Variants in AGAP1 observed in about 807,000 individuals in gnomAD.
AGAP1 encodes ArfGAP with GTPase domain, ankyrin repeat and PH domain 1.
A neutral mutation model predicts 105.3 loss-of-function variants in AGAP1; 29 were observed. The ratio of observed to expected loss-of-function variants is 0.28; its 90% confidence interval spans 0.21 to 0.38. The LOEUF is 0.38. AGAP1 is among the 10% of genes least tolerant of loss of function. AGAP1 has a pLI of 1.00. For missense variants in AGAP1, 998 were observed against 1,165.1 expected (o/e 0.86, Z 2.09); for synonymous variants, 509 against 485.9 (o/e 1.05, Z -0.63).
At position 235,787,230 on chromosome 2, in the gene AGAP1, G is replaced by T. The variant is rs1956699783; in HGVS notation, c.674-10529G>T. On this transcript the variant is annotated intron_variant, in intron 6 of 17. Transcript: ENST00000304032. This position sits in a 1 kb window ranked among gnomAD's most constrained non-coding sequence, Gnocchi z 4.4. Reference sequence around the variant, plus strand: ...TTGGCTGCTGCTTCCAAACCATGTGGGTTTCCTATGTCATGAAAGCTTTTC... The same window carrying T: ...TTGGCTGCTGCTTCCAAACCATGTGTGTTTCCTATGTCATGAAAGCTTTTC... Among the ~76,000 whole-genome samples the T allele has an allele frequency of 6.6e-6, 1 of 152,212 alleles. No homozygotes were observed.
chr2:235,951,776 A>G lies in AGAP1; in HGVS notation c.1484-16686A>G, dbSNP rs1213264611. 6.6e-6 allele frequency among the ~76,000 whole-genome samples: 1 copy of G among 152,176 alleles called. No homozygotes were observed. Among genetic ancestry groups the G allele is most frequent in the African/African-American group, 2.4e-5 (1 of 41,446 alleles). On this transcript the variant is annotated intron_variant, in intron 12 of 17. Transcript: ENST00000304032. The surrounding 1 kb of genome is among the most constrained non-coding windows in gnomAD (Gnocchi z 4.2). ...CCTTGGGCTGCAGATGAGTTACACC[A>G]CACCAGTCTCCCAGTCCCATCACAC...
At chr2:235,542,276 G>GA (rs1332797853) in intron 1 of AGAP1, among the ~76,000 whole-genome samples, 7 of 152,260 alleles carry the variant, frequency 4.6e-5, no homozygotes, top group Middle Eastern at 3.4e-3. Context: ...AGTGAGCAGA[G>GA]ACCCATCCTG....
intron 6 of AGAP1, among the ~76,000 whole-genome samples, chr2:235,779,735 G>A (rs982608257): frequency 6.6e-6 from 1 of 152,208 alleles, no homozygotes; most frequent in East Asian, 1.9e-4. Context: ...ACCAGTTAAT[G>A]TGCTACATCC....
intron 1 of AGAP1, among the ~76,000 whole-genome samples, chr2:235,568,809 C>T (rs1320752169): frequency 1.3e-5 from 2 of 152,186 alleles, no homozygotes; most frequent in African/African-American, 4.8e-5. Flanking sequence ...CACCTGCAGT[C>T]CTTGGCTTGT....
chr2:235,512,045 ATG>A (rs1016641090), intron 1 of AGAP1, among the ~76,000 whole-genome samples: 8 of 141,728 alleles, frequency 5.6e-5, no homozygotes, highest in Admixed American at 2.1e-4. Flanking sequence ...GTGTGAATGG[ATG>A]TGTGTGTGAA....
chr2:235,534,602 G>A (rs1943149659), intron 1 of AGAP1, among the ~76,000 whole-genome samples: 1 of 152,130 alleles, frequency 6.6e-6, no homozygotes, highest in Non-Finnish European at 1.5e-5. Context: ...TTAGCGGTTT[G>A]TTTATATACA....
intron 12 of AGAP1, among the ~76,000 whole-genome samples, chr2:235,966,030 A>G (rs1401630961): frequency 1.4e-4 from 12 of 87,786 alleles, no homozygotes; most frequent in East Asian, 3.4e-4. Context: ...AGGAGAGGGG[A>G]GCCTTTTCCT....
In AGAP1 at chr2:235,639,002, C is replaced by CA. The variant is rs1393307349; in HGVS notation, c.164-70176dup. ...TCAAATGTCCACTGGGGGGCAGAAT[C>CA]ACCTGCTGAGACCCACTGGTTAAAA... On this transcript the variant is annotated intron_variant, in intron 1 of 17. Transcript: ENST00000304032. The surrounding 1 kb of genome is among the most constrained non-coding windows in gnomAD (Gnocchi z 5.3). Among the ~76,000 whole-genome samples the CA allele has an allele frequency of 6.6e-6, 1 of 152,114 alleles. No homozygotes were observed. The highest frequency in any genetic ancestry group is 2.4e-5 in the African/African-American group (1 of 41,408).
chr2:235,805,522 A>G (rs999674010), intron 8 of AGAP1, among the ~76,000 whole-genome samples: 5 of 152,164 alleles, frequency 3.3e-5, no homozygotes, highest in African/African-American at 1.2e-4. Context: ...AAATTCCCAA[A>G]GTACTCTTAA....
intron 1 of AGAP1, among the ~76,000 whole-genome samples, chr2:235,606,389 G>T (rs1475730988): frequency 6.6e-6 from 1 of 152,216 alleles, no homozygotes; most frequent in Admixed American, 6.5e-5. Flanking sequence ...CCAGCATCTG[G>T]TAGATTTGGG....
rs2058187192 is a variant in AGAP1, at chr2:236,061,255, G to GA, written c.2114+11975dup. ...GTGGCAAGTGTTGGTGAGGAACGTGGAGACACTGGTGCAGCCACTTGGGAA... is the reference window on the plus strand; with the variant it reads ...GTGGCAAGTGTTGGTGAGGAACGTGGAAGACACTGGTGCAGCCACTTGGGAA... On this transcript the variant is annotated intron_variant, in intron 16 of 17. Transcript: ENST00000304032. The surrounding 1 kb of genome is among the most constrained non-coding windows in gnomAD (Gnocchi z 4.1). Among the ~76,000 whole-genome samples the GA allele has an allele frequency of 1.3e-5, 2 of 152,158 alleles. No homozygotes were observed. Among genetic ancestry groups the GA allele is most frequent in the South Asian group, 2.1e-4 (1 of 4,826 alleles).
intron 1 of AGAP1, among the ~76,000 whole-genome samples, chr2:235,616,292 C>T (rs1208456664): frequency 2.0e-5 from 3 of 150,666 alleles, no homozygotes; most frequent in Non-Finnish European, 2.9e-5. Flanking sequence ...ACCCAGGAGG[C>T]GGAGGTTGCA....
intron 12 of AGAP1, among the ~76,000 whole-genome samples, chr2:235,932,754 T>C (rs2052782054): frequency 6.6e-6 from 1 of 152,222 alleles, no homozygotes; most frequent in Non-Finnish European, 1.5e-5. Context: ...TGAATAGCTC[T>C]TTCTGTTGAG....
chr2:236,031,168 T>C (rs959540555), intron 13 of AGAP1, among the ~76,000 whole-genome samples: 1 of 152,152 alleles, frequency 6.6e-6, no homozygotes, highest in Non-Finnish European at 1.5e-5. Context: ...GAACTGTACA[T>C]GTCTGTAGGA....
chr2:235,747,606 C>T lies in AGAP1; in HGVS notation c.539-2748C>T, dbSNP rs982522164. Among the ~76,000 whole-genome samples the T allele has an allele frequency of 2.6e-5, 4 of 152,202 alleles. No individual in the cohort carries two copies. The highest frequency in any genetic ancestry group is 9.6e-5 in the African/African-American group (4 of 41,456). ...CCTCACCTGCGGGATTCTCTTGGTC[C>T]TTCCCTAGACTTCAGGGAGCACCCC... On this transcript the variant is annotated intron_variant, in intron 5 of 17. Transcript: ENST00000304032. The surrounding 1 kb of genome is among the most constrained non-coding windows in gnomAD (Gnocchi z 5.0).
intron 10 of AGAP1, among the ~76,000 whole-genome samples, chr2:235,884,087 A>G (rs1025310062): frequency 6.6e-6 from 1 of 152,244 alleles, no homozygotes; most frequent in Non-Finnish European, 1.5e-5. Flanking sequence ...TCTACCCTTG[A>G]TAAAATTTAA....
chr2:235,673,923 C>G (rs1205342243), intron 1 of AGAP1, among the ~76,000 whole-genome samples: 2 of 152,166 alleles, frequency 1.3e-5, no homozygotes, highest in Non-Finnish European at 2.9e-5. Context: ...GTCTATTTGG[C>G]TTAGAGTTAA....
intron 1 of AGAP1, among the ~76,000 whole-genome samples, chr2:235,637,079 A>G (rs1947028303): frequency 6.6e-6 from 1 of 152,144 alleles, no homozygotes; most frequent in South Asian, 2.1e-4. Flanking sequence ...CTGTTTCTGA[A>G]GCCACTCAGA....
chr2:236,038,931 A>C lies in AGAP1; in HGVS notation c.1801-1820A>C, dbSNP rs2057464333. 6.6e-6 allele frequency among the ~76,000 whole-genome samples: 1 copy of C among 152,196 alleles called. No homozygotes were observed. Among genetic ancestry groups the C allele is most frequent in the Non-Finnish European group, 1.5e-5 (1 of 68,022 alleles). On this transcript the variant is annotated intron_variant, in intron 14 of 17. Transcript: ENST00000304032. This position sits in a 1 kb window ranked among gnomAD's most constrained non-coding sequence, Gnocchi z 4.5. ...TTGGGTATCTAACCAAAGGGAATTA[A>C]AATTCAATAACGCATGATGCTAATT...
Sources: gnomAD v4.1 joint callset for allele counts (sites outside exome capture counted in the v4.1 genomes callset) on GRCh38, gnomAD v4.1.1 for gene constraint, Gnocchi (gnomAD v3.1) non-coding constraint, MANE v1.5 for transcripts, NCBI Gene and HGNC (gene_info 2026-07-23, HGNC 2026-07-21) for gene names.